SLC9A7: variants seen among roughly 807,000 people sequenced by gnomAD.
SLC9A7 encodes the protein sodium/hydrogen exchanger 7.
Under a neutral mutation model 52.6 loss-of-function variants are expected in SLC9A7, and 19 were observed. The observed-to-expected ratio is 0.36, with a 90% CI of 0.25 to 0.53. The LOEUF (loss-of-function observed/expected upper bound fraction) is 0.53. SLC9A7 is among the 20% of genes least tolerant of loss of function. The pLI is 0.91. For missense variants in SLC9A7, 455 were observed against 597.9 expected, an observed-to-expected ratio of 0.76 and a Z score of 2.49; for synonymous variants, 226 against 252.1, an observed-to-expected ratio of 0.90 and a Z score of 0.98.
chrX:46,677,514 T>C (rs1944139003), intron 3 of SLC9A7, among the ~76,000 whole-genome samples: 1 of 112,485 alleles, frequency 8.9e-6, no homozygotes, highest in Non-Finnish European at 1.9e-5. Flanking sequence ...GGAGAAGCAG[T>C]GTGAACTAAT....
intron 14 of SLC9A7, among the ~76,000 whole-genome samples, chrX:46,627,565 A>C (rs976068353): frequency 8.9e-6 from 1 of 111,744 alleles, no homozygotes; most frequent in South Asian, 3.7e-4. Context: ...CTTGTCACCA[A>C]GCCCTTCAGG....
rs375250986 is a variant in SLC9A7, at chrX:46,679,783, A to T, written c.526-28T>A. 8 of 990,495 alleles carry T rather than the reference A, an allele frequency of 8.1e-6. No homozygotes were observed. The African/African-American group carries it at 1.5e-4, about 19-fold the overall frequency. 81.6% of individuals were successfully genotyped at this position (990,495 alleles called of 1,213,427 possible). A position where few individuals can be genotyped will look rare whatever the true frequency, so the allele number is the denominator to read the frequency against. ...GAAAGTTTAAAAAGAAAAAAAAGCC[A>T]ATTTTTTATTTAACTCCAATTCATG... On this transcript the variant is annotated intron_variant, in intron 2 of 16. Coordinates refer to ENST00000616978, the MANE Select transcript of SLC9A7 (RefSeq NM_001257291.2).
At chrX:46,695,842 A>G (rs1226061097) in intron 1 of SLC9A7, among the ~76,000 whole-genome samples, 1 of 110,722 alleles carries the variant, frequency 9.0e-6, no homozygotes, top group Non-Finnish European at 1.9e-5. Context: ...GCTGAACTAC[A>G]CTCAAACCTA....
intron 1 of SLC9A7, among the ~76,000 whole-genome samples, chrX:46,712,435 G>A (rs1422590994): frequency 9.0e-6 from 1 of 111,022 alleles, no homozygotes; most frequent in Non-Finnish European, 1.9e-5. Flanking sequence ...TGAACTAACA[G>A]ATCAAGAACT....
intron 16 of SLC9A7, among the ~76,000 whole-genome samples, chrX:46,608,781 G>C (rs1024109098): frequency 9.0e-6 from 1 of 111,365 alleles, no homozygotes; most frequent in Non-Finnish European, 1.9e-5. Context: ...GAGTAGCTGT[G>C]ATTACAGGTG....
chrX:46,627,807 A>C (rs1020372352), intron 14 of SLC9A7, among the ~76,000 whole-genome samples: 1 of 109,462 alleles, frequency 9.1e-6, no homozygotes, highest in African/African-American at 3.3e-5. Context: ...ACAGAGTAGC[A>C]ACTGGAGGAA....
chrX:46,717,401 G>C (rs1372991412), intron 1 of SLC9A7, among the ~76,000 whole-genome samples: 1 of 111,778 alleles, frequency 8.9e-6, no homozygotes, highest in Non-Finnish European at 1.9e-5. Flanking sequence ...TTTTTTTTGA[G>C]ACACAGTCTG....
At chrX:46,720,869 C>T (rs180786518) in intron 1 of SLC9A7, among the ~76,000 whole-genome samples, 13 of 111,666 alleles carry the variant, frequency 1.2e-4, no homozygotes, top group Admixed American at 2.9e-4. Flanking sequence ...AAACCACCTA[C>T]GTTTTTAGAC....
intron 1 of SLC9A7, among the ~76,000 whole-genome samples, chrX:46,686,547 G>A (rs961024391): frequency 9.0e-6 from 1 of 111,659 alleles, no homozygotes; most frequent in African/African-American, 3.3e-5. Context: ...GCTGGATCTC[G>A]GAGACATCCT....
At position 46,631,939 on chromosome X, in the gene SLC9A7, A is replaced by AGGT. The variant is rs752430228; in HGVS notation, c.1677-293_1677-291dup. On this transcript the variant is annotated intron_variant, in intron 13 of 16. Coordinates refer to ENST00000616978, the MANE Select transcript of SLC9A7 (RefSeq NM_001257291.2). ...AACTGTCCACTTGCTTTTCTGCACC[A>AGGT]GGTGGTCCCAGTTATCAAAATGGGG... Among the ~76,000 whole-genome samples, 6 of 112,152 alleles carry AGGT rather than the reference A, an allele frequency of 5.3e-5. No individual in the cohort carries two copies. In the East Asian group the frequency reaches 1.7e-3, roughly 31 times the overall value.
chrX:46,698,893 A>G (rs1193820744), intron 1 of SLC9A7, among the ~76,000 whole-genome samples: 1 of 111,700 alleles, frequency 9.0e-6, no homozygotes, highest in Non-Finnish European at 1.9e-5. Context: ...TGACAATACA[A>G]TAGAAAATCT....
rs1163658531 is a variant in SLC9A7 at position 46,599,705 on chromosome X, A to G, written c.*7247T>C. 2 of 111,420 alleles carry G rather than the reference A, an allele frequency of 1.8e-5. No individual in the cohort carries two copies. The highest frequency in any genetic ancestry group is 3.8e-5 in the Non-Finnish European group (2 of 53,109). The allele number at this position is 111,420 out of a possible 1,213,427, so 9.2% of individuals were successfully genotyped here. A position where few individuals can be genotyped will look rare whatever the true frequency, so the allele number is the denominator to read the frequency against. ...GGTTGTGGATAACGCCAAGTCTTTAATTTTTCACAGTTATACTTTAATGTC... is the reference window on the plus strand; with the variant it reads ...GGTTGTGGATAACGCCAAGTCTTTAGTTTTTCACAGTTATACTTTAATGTC... On this transcript the variant is annotated 3_prime_UTR_variant, in exon 17 of 17. Transcript: ENST00000616978.
At chrX:46,692,961 C>T (rs1944400762) in intron 1 of SLC9A7, among the ~76,000 whole-genome samples, 2 of 110,183 alleles carry the variant, frequency 1.8e-5, no homozygotes, top group South Asian at 8.1e-4. Context: ...CTCTGGATTC[C>T]CACCTCACCA....
chrX:46,628,757 T>C (rs1371650176), intron 14 of SLC9A7, among the ~76,000 whole-genome samples: 1 of 112,771 alleles, frequency 8.9e-6, no homozygotes, highest in Admixed American at 9.3e-5. Flanking sequence ...TACCTCTGAT[T>C]TCAGTTTCAT....
chrX:46,706,256 C>T (rs1220747223), intron 1 of SLC9A7, among the ~76,000 whole-genome samples: 1 of 98,950 alleles, frequency 1.0e-5, no homozygotes, highest in Non-Finnish European at 2.0e-5. Flanking sequence ...TGGCAAAAGC[C>T]GCAATTACTT....
At chrX:46,739,963 A>C (rs1921217969) in intron 1 of SLC9A7, among the ~76,000 whole-genome samples, 1 of 111,839 alleles carries the variant, frequency 8.9e-6, no homozygotes. Context: ...CTATTAATGA[A>C]TGCAATCTTT....
rs751079557 is a variant in SLC9A7 at position 46,635,627 on chromosome X, G to C, written c.1638C>G (p.Ser546=). The change falls in exon 13 of 17, where the codon TCC becomes TCG. Residue 546 remains serine (S), a synonymous_variant. Coordinates refer to ENST00000616978, the MANE Select transcript of SLC9A7 (RefSeq NM_001257291.2). The part of the protein sequence containing the change: ...LNIRVGVEEP[S]EEDQNEHHWQ... ...AGTGGTGTTCATTCTGGTCCTCTTC[G>C]GAGGGCTCCTCGACGCCAACTCTGG... 5 of 1,208,613 alleles carry C rather than the reference G, an allele frequency of 4.1e-6. No homozygotes were observed. Among genetic ancestry groups the C allele is most frequent in the Non-Finnish European group, 5.6e-6 (5 of 894,192 alleles).
At chrX:46,624,306 A>T (rs1943090288) in intron 14 of SLC9A7, among the ~76,000 whole-genome samples, 1 of 111,896 alleles carries the variant, frequency 8.9e-6, no homozygotes, top group South Asian at 3.7e-4. Flanking sequence ...TGAAGTGGGG[A>T]CAGTCTTGTG....
rs115828527 is a variant in SLC9A7 at position 46,664,299 on chromosome X, G to A, written c.794-1656C>T. ...ATCTTGCCTCCATGGGGCAACTGAT[G>A]TGTGACTGAAACCCCAGAACAGTGG... On this transcript the variant is annotated intron_variant, in intron 5 of 16. Coordinates refer to ENST00000616978, the MANE Select transcript of SLC9A7 (RefSeq NM_001257291.2). 4.9e-3 allele frequency among the ~76,000 whole-genome samples: 543 copies of A among 111,887 alleles called. 5 individuals carry two copies. Among genetic ancestry groups the A allele is most frequent in the African/African-American group, 0.017 (519 of 30,827 alleles).
Sources: allele counts gnomAD v4.1 joint callset (sites outside exome capture counted in the v4.1 genomes callset), GRCh38; gene constraint gnomAD v4.1.1; transcripts MANE v1.5; gene names NCBI Gene and HGNC (gene_info 2026-07-23, HGNC 2026-07-21).